The following NBEA variants were observed in gnomAD, a reference collection of about 807,000 sequenced individuals.
NBEA encodes neurobeachin, also known as lysosomal-trafficking regulator 2.
Under a neutral mutation model 343.4 loss-of-function variants are expected in NBEA, and 44 were observed. The observed-to-expected ratio is 0.13, with a 90% CI of 0.10 to 0.16. NBEA has a LOEUF of 0.16. NBEA is among the 10% of genes least tolerant of loss of function. The pLI, the probability that NBEA is intolerant of heterozygous loss-of-function variation, is 1.00. For missense variants in NBEA, 2,555 were observed against 3,631.3 expected, an observed-to-expected ratio of 0.70 and a Z score of 7.62; for synonymous variants, 1,175 against 1,238.7, an observed-to-expected ratio of 0.95 and a Z score of 1.08.
chr13:35,070,164 T>G, intron 9 of NBEA, 59 bp downstream of exon 9: 2 of 1,363,694 alleles, frequency 1.5e-6, no homozygotes, highest in African/African-American at 1.5e-5. Flanking sequence ...TATCTTTATT[T>G]TATATATCAA....
intron 40 of NBEA, among the ~76,000 whole-genome samples, chr13:35,466,269 C>G (rs1183835545): frequency 6.6e-6 from 1 of 152,150 alleles, no homozygotes; most frequent in East Asian, 1.9e-4. Flanking sequence ...AGTCACCTAG[C>G]AGCATCAAGA....
At chr13:35,242,215 A>G (rs1407636197) in intron 34 of NBEA, among the ~76,000 whole-genome samples, 1 of 151,924 alleles carries the variant, frequency 6.6e-6, no homozygotes, top group African/African-American at 2.4e-5. Flanking sequence ...ATATGAACCT[A>G]AAGAAATTAT....
chr13:34,976,977 G>A (rs1002674748), intron 1 of NBEA, among the ~76,000 whole-genome samples: 3 of 110,504 alleles, frequency 2.7e-5, no homozygotes, highest in Non-Finnish European at 3.7e-5. Context: ...TTTTGCTCTT[G>A]TTGCCCAGGC....
intron 41 of NBEA, among the ~76,000 whole-genome samples, chr13:35,536,276 C>G (rs1486755215): frequency 6.6e-6 from 1 of 152,090 alleles, no homozygotes; most frequent in Non-Finnish European, 1.5e-5. Context: ...CTGGCAGATA[C>G]TTGATAAATG....
intron 44 of NBEA, among the ~76,000 whole-genome samples, chr13:35,562,658 G>A (rs2079914546): frequency 6.6e-6 from 1 of 151,900 alleles, no homozygotes; most frequent in Non-Finnish European, 1.5e-5. Flanking sequence ...GCTTATTATT[G>A]TCATCTAATT....
At chr13:35,091,285 G>A (rs533068763) in intron 10 of NBEA, among the ~76,000 whole-genome samples, 121 of 152,010 alleles carry the variant, frequency 8.0e-4, no homozygotes, top group African/African-American at 2.8e-3. Flanking sequence ...AAGCCCCAGC[G>A]TTTTGACAGA....
At position 35,050,380 on chromosome 13, in the gene NBEA, T is replaced by C. The variant is rs1194095979; in HGVS notation, c.957T>C (p.Asp319=). ...GTTTTCAGCATTGTGTGAAATATGA[T>C]TTTCAACCACGCAAGGTAGGTAAAA... ...GKGFQHCVKY[D]FQPRKWYMIS... The change falls in exon 6 of 59, where the codon GAT becomes GAC. Residue 319 remains aspartate, a synonymous_variant. Coordinates refer to ENST00000379939, the MANE Select transcript of NBEA (RefSeq NM_001385012.1). The C allele has an allele frequency of 3.1e-6, 5 of 1,608,328 alleles. No homozygotes were observed. The highest frequency in any genetic ancestry group is 4.2e-6 in the Non-Finnish European group (5 of 1,177,570).
intron 10 of NBEA, among the ~76,000 whole-genome samples, chr13:35,088,753 T>C (rs369747438): frequency 0.028 from 4,154 of 150,932 alleles, 79 homozygotes; most frequent in South Asian, 0.073. Context: ...GAAATAACGC[T>C]GCATATCTAC....
intron 34 of NBEA, among the ~76,000 whole-genome samples, chr13:35,268,059 C>T (rs1022577019): frequency 6.6e-5 from 10 of 151,996 alleles, no homozygotes; most frequent in Admixed American, 5.3e-4. Flanking sequence ...TGTATACACA[C>T]GTGTTCATTG....
chr13:35,069,225 T>A (rs1007700583), intron 8 of NBEA, among the ~76,000 whole-genome samples: 1 of 152,136 alleles, frequency 6.6e-6, no homozygotes, highest in African/African-American at 2.4e-5. Context: ...TACTGATATG[T>A]GATTATTGCA....
chr13:35,294,612 G>A (rs1414749658), intron 35 of NBEA, among the ~76,000 whole-genome samples: 4 of 151,908 alleles, frequency 2.6e-5, no homozygotes, highest in African/African-American at 7.3e-5. Context: ...CATTTTAATG[G>A]TTACTAAAGA....
At chr13:35,172,361 C>T (rs951627450) in intron 26 of NBEA, among the ~76,000 whole-genome samples, 5 of 151,862 alleles carry the variant, frequency 3.3e-5, no homozygotes, top group African/African-American at 1.2e-4. Flanking sequence ...ATCTTTCTGG[C>T]AACCAAGAGG....
chr13:35,595,633 T>A (rs2081757865), intron 47 of NBEA, among the ~76,000 whole-genome samples: 1 of 152,132 alleles, frequency 6.6e-6, no homozygotes, highest in Admixed American at 6.6e-5. Context: ...ACAGACATCC[T>A]GATGGACTCC....
chr13:35,311,480 G>A (rs2037361603), intron 36 of NBEA, among the ~76,000 whole-genome samples: 1 of 152,150 alleles, frequency 6.6e-6, no homozygotes, highest in Admixed American at 6.5e-5. Flanking sequence ...TAATGCTTTT[G>A]TCAGTCAGTG....
chr13:35,006,502 A>G (rs1382542865), intron 1 of NBEA, among the ~76,000 whole-genome samples: 2 of 152,214 alleles, frequency 1.3e-5, no homozygotes, highest in East Asian at 1.9e-4. Context: ...ATTGATAAAC[A>G]TAGTAAATAT....
intron 18 of NBEA, among the ~76,000 whole-genome samples, chr13:35,152,509 T>C (rs1179392410): frequency 6.6e-6 from 1 of 152,156 alleles, no homozygotes; most frequent in Non-Finnish European, 1.5e-5. Context: ...CTACTAATAC[T>C]ACAAAATTTA....
Position 35,425,521 on chromosome 13 carries a change from ATAATT to A in NBEA, c.6180-6746_6180-6742del, listed in dbSNP as rs1773904123. Among the ~76,000 whole-genome samples the A allele has an allele frequency of 9.2e-5, 14 of 152,288 alleles. 1 individual carries two copies. In the South Asian group the frequency reaches 2.9e-3, roughly 32 times the overall value. The stretch of plus-strand genomic sequence containing the variant: ...ACTGCGGTCTGAGAGACAGTTTGTT[ATAATT>A]TCTGTTCTTTTACATTTGCTGAGGA... On this transcript the variant is annotated intron_variant, in intron 38 of 58. Coordinates refer to ENST00000379939, the MANE Select transcript of NBEA (RefSeq NM_001385012.1).
chr13:35,219,473 C>T (rs1273451569), intron 33 of NBEA, among the ~76,000 whole-genome samples: 1 of 152,060 alleles, frequency 6.6e-6, no homozygotes. Context: ...GCACCTCTAA[C>T]AAGTTTTTAG....
At position 35,155,755 on chromosome 13, in the gene NBEA, C is replaced by A; in HGVS notation, c.2446-19C>A. On this transcript the variant is annotated intron_variant, in intron 18 of 58. Coordinates refer to ENST00000379939, the MANE Select transcript of NBEA (RefSeq NM_001385012.1). ...TTTAAATTGTTTTCTAAATGAAGTT[C>A]AAATTCTTCATTTTTCAGATCTTGA... 2 of 1,564,760 alleles carry A rather than the reference C, an allele frequency of 1.3e-6. No individual in the cohort carries two copies. Among genetic ancestry groups the A allele is most frequent in the South Asian group, 1.1e-5 (1 of 89,638 alleles).
Sources: gnomAD v4.1 joint callset for allele counts (sites outside exome capture counted in the v4.1 genomes callset) on GRCh38, gnomAD v4.1.1 for gene constraint, MANE v1.5 for transcripts, NCBI Gene and HGNC (gene_info 2026-07-23, HGNC 2026-07-21) for gene names.